Variants in GPR143 observed in about 807,000 individuals in gnomAD.
The protein encoded by GPR143 is G-protein coupled receptor 143.
GPR143 carries 8 observed loss-of-function variants against 27.6 expected under a neutral mutation model. The observed-to-expected ratio is 0.29, with a 90% confidence interval of 0.17 to 0.52. The LOEUF (loss-of-function observed/expected upper bound fraction) is 0.52. GPR143 is among the 20% of genes least tolerant of loss of function. The probability of loss-of-function intolerance (pLI) is 0.96; values close to 1 mark genes in which losing one functional copy is unlikely to be tolerated. For synonymous variants in GPR143, 156 were observed against 153.2 expected (o/e 1.02, Z -0.13); for missense variants, 303 against 343.1 (o/e 0.88, Z 0.92).
chrX:9,728,399 C>CA (rs59182343), intron 8 of GPR143, among the ~76,000 whole-genome samples: 8,317 of 76,973 alleles, frequency 0.11, 363 homozygotes, highest in African/African-American at 0.16. Flanking sequence ...TGTTAAGGAA[C>CA]AAAAAAAAAA....
At chrX:9,766,046 G>A (rs772670469), upstream of GPR143, 17 of 272,902 alleles carry the variant, frequency 6.2e-5, no homozygotes, top group Non-Finnish European at 1.0e-4. Flanking sequence ...CAGAGAGAGG[G>A]AGGGCTGAGA....
intron 3 of GPR143, among the ~76,000 whole-genome samples, chrX:9,757,343 C>T (rs190569146): frequency 1.8e-5 from 2 of 112,206 alleles, no homozygotes; most frequent in East Asian, 5.6e-4. Flanking sequence ...AAAGGCCCTG[C>T]CTCCTAATAC....
At chrX:9,775,902 C>G (rs1347101949) in intron 1 of GPR143, among the ~76,000 whole-genome samples, 1 of 112,148 alleles carries the variant, frequency 8.9e-6, no homozygotes, top group Admixed American at 9.5e-5. Flanking sequence ...TATACTAACA[C>G]ATTAAAATGA....
At chrX:9,777,142 T>C (rs1308096292) in intron 1 of GPR143, among the ~76,000 whole-genome samples, 1 of 112,675 alleles carries the variant, frequency 8.9e-6, no homozygotes, top group African/African-American at 3.2e-5. Flanking sequence ...CACCACTGTA[T>C]TGTAGCAAAC....
chrX:9,740,874 G>T (rs1467866289), intron 7 of GPR143: 4 of 278,085 alleles, frequency 1.4e-5, no homozygotes, highest in African/African-American at 1.2e-4. Flanking sequence ...ATTCCTTCAA[G>T]ATCCATGCTC....
chrX:9,763,624 T>G lies in GPR143; in HGVS notation c.250+1944A>C, dbSNP rs140803177. 2.6e-3 allele frequency among the ~76,000 whole-genome samples: 286 copies of G among 112,001 alleles called. 1 individual carries two copies. Among genetic ancestry groups the G allele is most frequent in the African/African-American group, 9.0e-3 (278 of 30,818 alleles). On this transcript the variant is annotated intron_variant, in intron 1 of 8. Coordinates refer to ENST00000467482, the MANE Select transcript of GPR143 (RefSeq NM_000273.3). ...TGAGGAGGGTGAAGAGGGGAGCAGA[T>G]GAGCCGGGTACCCGTACCTCACGAA...
intron 5 of GPR143, among the ~76,000 whole-genome samples, chrX:9,744,516 C>T (rs1435192354): frequency 9.0e-6 from 1 of 110,888 alleles, no homozygotes; most frequent in African/African-American, 3.3e-5. Flanking sequence ...GCCAGCCTGG[C>T]CAACATGGTG....
chrX:9,729,385 C>T (rs1006052315), intron 8 of GPR143, among the ~76,000 whole-genome samples: 6 of 111,721 alleles, frequency 5.4e-5, no homozygotes, highest in African/African-American at 9.8e-5. Context: ...GACACTCCCC[C>T]GTGACCTCAC....
At position 9,774,837 on chromosome X, in the gene GPR143, A is replaced by G. The variant is rs1000307547; in HGVS notation, c.-3+11405T>C. Among the ~76,000 whole-genome samples the G allele has an allele frequency of 3.8e-5, 4 of 105,047 alleles. No homozygotes were observed. The East Asian group carries it at 1.1e-3, about 29-fold the overall frequency. The allele number at this position is 105,047 out of a possible 115,157, so 91.2% of individuals were successfully genotyped here. ...TTTGGCAGCTCTGCAAATATTCCAC[A>G]TAAGGATTTTTTTTAATTGTTTTTT... On this transcript the variant is annotated intron_variant, in intron 1 of 7. Transcript: ENST00000447366.
At chrX:9,756,707 G>A (rs759307181) in intron 3 of GPR143, among the ~76,000 whole-genome samples, 2 of 112,429 alleles carry the variant, frequency 1.8e-5, no homozygotes, top group East Asian at 5.6e-4. Context: ...ATGCTAGGAT[G>A]GCTAAAATTA....
chrX:9,741,950 T>A (rs192527550), intron 6 of GPR143, among the ~76,000 whole-genome samples: 3 of 111,600 alleles, frequency 2.7e-5, no homozygotes, highest in Admixed American at 9.5e-5. Context: ...GAATTTAATT[T>A]AAAAAACATA....
intron 5 of GPR143, among the ~76,000 whole-genome samples, chrX:9,744,294 T>C: frequency 8.9e-6 from 1 of 112,147 alleles, no homozygotes; most frequent in Non-Finnish European, 1.9e-5. Context: ...GCAAGATCAC[T>C]GCACTCCAGC....
At chrX:9,763,811 A>T (rs930698789) in intron 1 of GPR143, among the ~76,000 whole-genome samples, 1 of 112,285 alleles carries the variant, frequency 8.9e-6, no homozygotes, top group Non-Finnish European at 1.9e-5. Flanking sequence ...CTCATTCTTA[A>T]TATTTTTGGC....
upstream of GPR143, among the ~76,000 whole-genome samples, chrX:9,770,512 C>A (rs138386403): frequency 2.7e-5 from 3 of 110,396 alleles, no homozygotes; most frequent in Admixed American, 9.8e-5. Flanking sequence ...GGGCAACAAC[C>A]GAGAAATGGA....
chrX:9,729,999 G>C (rs1380513614), intron 8 of GPR143, among the ~76,000 whole-genome samples: 4 of 112,440 alleles, frequency 3.6e-5, no homozygotes, highest in African/African-American at 1.3e-4. Flanking sequence ...ATATATACAA[G>C]TATTACTGTG....
Position 9,771,705 on chromosome X carries a change from C to CTTT in GPR143, c.-2-10880_-2-10879insAAA, listed in dbSNP as rs1288480180. Among the ~76,000 whole-genome samples the CTTT allele has an allele frequency of 8.0e-5, 3 of 37,683 alleles. 1 individual carries two copies. Among genetic ancestry groups the CTTT allele is most frequent in the African/African-American group, 2.5e-4 (3 of 12,046 alleles). 32.7% of individuals were successfully genotyped at this position (37,683 alleles called of 115,157 possible). A position where few individuals can be genotyped will look rare whatever the true frequency, so the allele number is the denominator to read the frequency against. ...GCATCCAACTAAGCCATGGAGCATT[C>CTTT]TCTCTCTTTTTTTTTTTTTTTTGGA... On this transcript the variant is annotated intron_variant, in intron 1 of 7. Coordinates refer to the GPR143 transcript ENST00000447366.
At position 9,765,693 on chromosome X, in the gene GPR143, G is replaced by C; in HGVS notation, c.125C>G (p.Ala42Gly). 1 of 1,104,356 alleles carries C rather than the reference G, an allele frequency of 9.1e-7. No individual in the cohort carries two copies. Among genetic ancestry groups the C allele is most frequent in the Non-Finnish European group, 1.2e-6 (1 of 847,290 alleles). 91.0% of individuals were successfully genotyped at this position (1,104,356 alleles called of 1,213,427 possible). ...GGGCAGCAGCTGCAGAAGGCCCAGC[G>C]CCAAGCGGAGCCCGCCGCTGCCCAG... ...LCLGSGGLRL[A>G]LGLLQLLPGR... Residue 42 changes from alanine (A) to glycine (G), a missense_variant, in exon 1 of 9, where the codon GCG becomes GGG. Ala to Gly is a moderately conservative substitution (Grantham distance 60). Coordinates refer to ENST00000467482, the MANE Select transcript of GPR143 (RefSeq NM_000273.3).
intron 3 of GPR143, among the ~76,000 whole-genome samples, chrX:9,758,527 C>T (rs1224555756): frequency 8.9e-6 from 1 of 111,864 alleles, no homozygotes; most frequent in African/African-American, 3.3e-5. Flanking sequence ...ACCTCCAGCC[C>T]CGGCATTCTC....
At chrX:9,768,382 G>C (rs1375541582), upstream of GPR143, among the ~76,000 whole-genome samples, 1 of 111,499 alleles carries the variant, frequency 9.0e-6, no homozygotes, top group East Asian at 2.8e-4. Context: ...TCTAGGAGCA[G>C]CATCTTTTGA....
Sources: allele counts gnomAD v4.1 joint callset (sites outside exome capture counted in the v4.1 genomes callset), GRCh38; gene constraint gnomAD v4.1.1; transcripts MANE v1.5; gene names NCBI Gene and HGNC (gene_info 2026-07-23, HGNC 2026-07-21).